RABGAP1L: variants seen among roughly 807,000 people sequenced by gnomAD.
RABGAP1L encodes the protein RAB GTPase activating protein 1 like.
In RABGAP1L, 63 loss-of-function variants were observed where a neutral mutation model predicts 137.7. The observed-to-expected ratio is 0.46, with a 90% CI of 0.37 to 0.56. The LOEUF (loss-of-function observed/expected upper bound fraction) is 0.56, where lower values mean the gene tolerates loss of function less well. Ranked by LOEUF, RABGAP1L falls within the 20% of genes least tolerant of loss-of-function variation. The pLI, the probability that RABGAP1L is intolerant of heterozygous loss-of-function variation, is 0.00. For synonymous variants in RABGAP1L, 431 were observed against 433.7 expected (o/e 0.99, Z 0.08); for missense variants, 1,095 against 1,244.0 (o/e 0.88, Z 1.80).
chr1:174,206,146 G>A (rs1012389404), intron 1 of RABGAP1L, among the ~76,000 whole-genome samples: 2 of 152,108 alleles, frequency 1.3e-5, no homozygotes, highest in Non-Finnish European at 2.9e-5. Flanking sequence ...TTGGCTGTGG[G>A]GTTGACATTT....
At chr1:174,473,618 T>G (rs756146727) in intron 13 of RABGAP1L, among the ~76,000 whole-genome samples, 19 of 152,336 alleles carry the variant, frequency 1.2e-4, no homozygotes, top group Non-Finnish European at 2.6e-4. Context: ...CACAAATTCC[T>G]AGGTATGGTT....
intron 11 of RABGAP1L, among the ~76,000 whole-genome samples, chr1:174,351,045 G>A (rs1319076766): frequency 8.3e-6 from 1 of 120,136 alleles, no homozygotes; most frequent in South Asian, 3.7e-4. Flanking sequence ...GTCCAGCTTC[G>A]GCTCCGCATG....
At chr1:174,887,211 GA>G (rs1358608487) in intron 19 of RABGAP1L, among the ~76,000 whole-genome samples, 2 of 152,154 alleles carry the variant, frequency 1.3e-5, no homozygotes, top group African/African-American at 2.4e-5. Context: ...TGTGGGAGGG[GA>G]AAGTGAGTAT....
chr1:174,703,395 T>C (rs1679805946), intron 17 of RABGAP1L, among the ~76,000 whole-genome samples: 2 of 152,208 alleles, frequency 1.3e-5, no homozygotes, highest in Admixed American at 6.5e-5. Context: ...GTTCCATCCA[T>C]GTTGCTGCTA....
At chr1:174,425,972 C>T (rs1045242101) in intron 13 of RABGAP1L, among the ~76,000 whole-genome samples, 1 of 151,984 alleles carries the variant, frequency 6.6e-6, no homozygotes, top group Non-Finnish European at 1.5e-5. Flanking sequence ...TAAGTTTCTT[C>T]TATTTAGAGG....
chr1:174,620,327 A>G (rs1672325608), intron 13 of RABGAP1L, among the ~76,000 whole-genome samples: 1 of 152,246 alleles, frequency 6.6e-6, no homozygotes, highest in South Asian at 2.1e-4. Flanking sequence ...TCAACAGAAT[A>G]TACATTCTTT....
At chr1:174,172,175 CTTGT>C (rs1222664979) in intron 1 of RABGAP1L, among the ~76,000 whole-genome samples, 2 of 91,174 alleles carry the variant, frequency 2.2e-5, no homozygotes, top group Non-Finnish European at 4.2e-5. Context: ...ATAATATTCC[CTTGT>C]GTGTGTGTGT....
intron 19 of RABGAP1L, among the ~76,000 whole-genome samples, chr1:174,833,444 G>GTATATATATATATATATATATATATA (rs1692357953): frequency 5.8e-5 from 1 of 17,364 alleles, no homozygotes; most frequent in Non-Finnish European, 6.2e-4. Flanking sequence ...GTGTGTGTGT[G>GTATATATATATATATATATATATATA]TAGAGATATA....
chr1:174,548,049 C>G, intron 13 of RABGAP1L: 3 of 1,550,426 alleles, frequency 1.9e-6, no homozygotes, highest in Non-Finnish European at 2.6e-6. Context: ...GGCTTAATGC[C>G]TGTTAAATGC....
At chr1:174,421,932 C>G (rs760110480) in intron 13 of RABGAP1L, among the ~76,000 whole-genome samples, 10 of 152,092 alleles carry the variant, frequency 6.6e-5, no homozygotes, top group African/African-American at 1.9e-4. Context: ...CCATGCCTGG[C>G]TAATTTTTGT....
At chr1:174,548,788 C>T (rs1330657114) in intron 13 of RABGAP1L, among the ~76,000 whole-genome samples, 1 of 152,094 alleles carries the variant, frequency 6.6e-6, no homozygotes, top group Admixed American at 6.5e-5. Flanking sequence ...TTTATTTTAG[C>T]TGCATAGGTT....
chr1:174,371,518 A>G (rs1171239463), intron 12 of RABGAP1L, among the ~76,000 whole-genome samples: 1 of 152,122 alleles, frequency 6.6e-6, no homozygotes, highest in African/African-American at 2.4e-5. Flanking sequence ...AGCTTGTTTC[A>G]TTCTTTCTGA....
chr1:174,352,967 G>A (rs565354602), intron 11 of RABGAP1L, among the ~76,000 whole-genome samples: 4 of 152,100 alleles, frequency 2.6e-5, no homozygotes, highest in Non-Finnish European at 5.9e-5. Context: ...CCTGGTGTTT[G>A]GGGAGGGGTG....
At chr1:174,833,449 G>GATATATATATATATAT (rs760181639) in intron 19 of RABGAP1L, among the ~76,000 whole-genome samples, 2,926 of 27,736 alleles carry the variant, frequency 0.11, 695 homozygotes, top group Non-Finnish European at 0.24. Context: ...TGTGTGTAGA[G>GATATATATATATATAT]ATATATATAT....
At chr1:174,431,912 A>G (rs372149977) in intron 13 of RABGAP1L, among the ~76,000 whole-genome samples, 2 of 151,902 alleles carry the variant, frequency 1.3e-5, no homozygotes, top group East Asian at 1.9e-4. Flanking sequence ...GAGTAAAACA[A>G]TTTTTTTTTA....
At chr1:174,671,603 C>A (rs1465912148) in intron 14 of RABGAP1L, among the ~76,000 whole-genome samples, 2 of 152,064 alleles carry the variant, frequency 1.3e-5, no homozygotes, top group Non-Finnish European at 2.9e-5. Flanking sequence ...TGTGATGTAT[C>A]ACATTTATTG....
chr1:174,881,492 C>CTTTTTTTTTTT (rs751296977), intron 19 of RABGAP1L, among the ~76,000 whole-genome samples: 2 of 85,838 alleles, frequency 2.3e-5, no homozygotes, highest in South Asian at 4.4e-4. Flanking sequence ...ATATCATTTG[C>CTTTTTTTTTTT]TTTTTTTTTT....
chr1:174,869,331 G>A (rs1460765350), intron 19 of RABGAP1L, among the ~76,000 whole-genome samples: 1 of 152,000 alleles, frequency 6.6e-6, no homozygotes, highest in Non-Finnish European at 1.5e-5. Flanking sequence ...GGAGGTGAGT[G>A]GAACAGCATC....
At chr1:174,496,883 G>T (rs1361932420) in intron 13 of RABGAP1L, among the ~76,000 whole-genome samples, 1 of 152,104 alleles carries the variant, frequency 6.6e-6, no homozygotes, top group Non-Finnish European at 1.5e-5. Context: ...TGTGACAACT[G>T]CCCATCCTAC....
Sources: allele counts gnomAD v4.1 joint callset (sites outside exome capture counted in the v4.1 genomes callset), GRCh38; gene constraint gnomAD v4.1.1; transcripts MANE v1.5; gene names NCBI Gene and HGNC (gene_info 2026-07-23, HGNC 2026-07-21).